POLK: variants seen among roughly 807,000 people sequenced by gnomAD.
POLK encodes DNA polymerase kappa.
POLK carries 76 observed loss-of-function variants against 94.0 expected under a neutral mutation model. That is an observed-to-expected ratio of 0.81 (90% CI 0.67 to 0.98). The LOEUF (loss-of-function observed/expected upper bound fraction) is 0.98. Among genes scored for constraint, POLK ranks in the 50% least tolerant of loss-of-function variants. The pLI is 0.00. For synonymous variants in POLK, 349 were observed against 325.4 expected (o/e 1.07, Z -0.78); for missense variants, 954 against 1,010.1 (o/e 0.94, Z 0.75).
At chr5:75,519,976 T>C (rs574403286) in intron 1 of POLK, among the ~76,000 whole-genome samples, 2 of 152,316 alleles carry the variant, frequency 1.3e-5, no homozygotes, top group African/African-American at 4.8e-5. Context: ...TCTTTTGTGG[T>C]TAAGTGATTT....
chr5:75,584,443 C>T (rs188794707), intron 8 of POLK, among the ~76,000 whole-genome samples: 8 of 152,120 alleles, frequency 5.3e-5, no homozygotes, highest in Non-Finnish European at 7.4e-5. Flanking sequence ...CCAGGGTGGG[C>T]GGATCACCTA....
intron 1 of POLK, among the ~76,000 whole-genome samples, chr5:75,526,587 T>TG (rs1768860533): frequency 6.8e-6 from 1 of 147,072 alleles, no homozygotes; most frequent in East Asian, 2.0e-4. Context: ...TTTTTTTTTT[T>TG]CTTTTTTTTT....
chr5:75,598,211 A>G (rs905265452), exon 15 of POLK: 1 of 324,642 alleles, frequency 3.1e-6, no homozygotes, highest in Non-Finnish European at 5.6e-6. Flanking sequence ...TGAGAATTTT[A>G]CTTCCATTAT....
upstream of POLK, chr5:75,511,378 C>T (rs1176554102): frequency 6.5e-7 from 1 of 1,546,568 alleles, no homozygotes; most frequent in Non-Finnish European, 8.7e-7. Context: ...CGCCGCCGCG[C>T]CTGACACCGA....
chr5:75,518,524 TTTTA>T (rs200532381), intron 1 of POLK, among the ~76,000 whole-genome samples: 1,843 of 152,272 alleles, frequency 0.012, 37 homozygotes, highest in African/African-American at 0.042. Flanking sequence ...ATTTTCTTTC[TTTTA>T]TTTGTCTAAA....
intron 3 of POLK, among the ~76,000 whole-genome samples, chr5:75,568,028 C>G (rs536881200): frequency 6.6e-6 from 1 of 152,180 alleles, no homozygotes; most frequent in Non-Finnish European, 1.5e-5. Context: ...AAAAAAAATT[C>G]TGCAGAGTGG....
At chr5:75,548,036 A>C (rs1401506621) in intron 2 of POLK, among the ~76,000 whole-genome samples, 1 of 151,984 alleles carries the variant, frequency 6.6e-6, no homozygotes, top group Non-Finnish European at 1.5e-5. Flanking sequence ...TGTTCCTCCC[A>C]CCTCAGACTT....
At chr5:75,581,689 T>C in intron 7 of POLK, 1 of 397,704 alleles carries the variant, frequency 2.5e-6, no homozygotes, top group Non-Finnish European at 4.5e-6. Context: ...TTTTTTTTTT[T>C]TTTTGAGATG....
exon 15 of POLK, chr5:75,598,141 C>T (rs1174435913): frequency 2.1e-6 from 1 of 474,838 alleles, no homozygotes; most frequent in Non-Finnish European, 3.7e-6. Flanking sequence ...AATCCTTCCT[C>T]AGATGATGTT....
rs555220325 is a variant in POLK at position 75,527,502 on chromosome 5, T to TATATACACAC, written c.-14+15589_-14+15590insTATACACACA. ...CTCAAAAAAAAAAAAAATTTATATATACACACACACACACACACACACACA... is the reference window on the plus strand; with the variant it reads ...CTCAAAAAAAAAAAAAATTTATATATATATACACACACACACACACACACACACACACACA... On this transcript the variant is annotated intron_variant, in intron 1 of 14. Coordinates refer to ENST00000241436, the Ensembl canonical transcript of POLK. Among the ~76,000 whole-genome samples the TATATACACAC allele has an allele frequency of 5.7e-3, 757 of 133,014 alleles. 5 individuals are homozygous for TATATACACAC. The highest frequency in any genetic ancestry group is 0.029 in the South Asian group (113 of 3,886). The allele number at this position is 133,014 out of a possible 152,430, so 87.3% of individuals were successfully genotyped here. A position where few individuals can be genotyped will look rare whatever the true frequency, so the allele number is the denominator to read the frequency against.
chr5:75,511,672 A>T, upstream of POLK: 5 of 1,481,740 alleles, frequency 3.4e-6, no homozygotes, highest in Non-Finnish European at 4.5e-6. Flanking sequence ...TCGTCCTCCC[A>T]TTCTCCCCCA....
chr5:75,558,192 A>G (rs1770740110), intron 3 of POLK, among the ~76,000 whole-genome samples: 1 of 150,504 alleles, frequency 6.6e-6, no homozygotes, highest in Non-Finnish European at 1.5e-5. Context: ...GATTATTATC[A>G]CTTACTAGTT....
At chr5:75,529,727 T>C (rs1011691372) in intron 1 of POLK, among the ~76,000 whole-genome samples, 2 of 152,162 alleles carry the variant, frequency 1.3e-5, no homozygotes, top group African/African-American at 4.8e-5. Flanking sequence ...ATTATAATCT[T>C]GTAATATATA....
intron 3 of POLK, among the ~76,000 whole-genome samples, chr5:75,557,031 C>CA (rs1168731999): frequency 1.3e-5 from 2 of 152,180 alleles, no homozygotes; most frequent in Admixed American, 6.5e-5. Flanking sequence ...CCACTGCACT[C>CA]CAGCCTGGGC....
chr5:75,521,971 T>C (rs1768609840), intron 1 of POLK, among the ~76,000 whole-genome samples: 1 of 152,220 alleles, frequency 6.6e-6, no homozygotes, highest in African/African-American at 2.4e-5. Flanking sequence ...TCCTACCTAG[T>C]GGTCCTGCCG....
At position 75,543,944 on chromosome 5, in the gene POLK, C is replaced by T. The variant is rs137866635; in HGVS notation, c.-13-3066C>T. Reference sequence around the variant, plus strand: ...GACCTCCCAGGCTCAAGTGAAACTCCCAACTCAGACTTCCAAGTAGCTTGG... The same window carrying T: ...GACCTCCCAGGCTCAAGTGAAACTCTCAACTCAGACTTCCAAGTAGCTTGG... On this transcript the variant is annotated intron_variant, in intron 1 of 14. Coordinates refer to ENST00000241436, the Ensembl canonical transcript of POLK. Among the ~76,000 whole-genome samples the T allele has an allele frequency of 2.1e-3, 316 of 152,236 alleles. 1 individual carries two copies. In the East Asian group the frequency reaches 0.027, roughly 13 times the overall value.
intron 3 of POLK, among the ~76,000 whole-genome samples, chr5:75,557,116 CT>C (rs1770668750): frequency 1.3e-5 from 2 of 152,280 alleles, no homozygotes; most frequent in South Asian, 4.1e-4. Context: ...GTCATTGCTC[CT>C]TTGTCAAAGA....
rs58797043 is a variant in POLK, at chr5:75,527,502, T to TACACACACACACAC, written c.-14+15614_-14+15627dup. Among the ~76,000 whole-genome samples the TACACACACACACAC allele has an allele frequency of 5.3e-4, 71 of 133,024 alleles. 2 individuals carry two copies. The highest frequency in any genetic ancestry group is 1.9e-3 in the African/African-American group (65 of 34,868). 87.3% of individuals were successfully genotyped at this position (133,024 alleles called of 152,430 possible). ...CTCAAAAAAAAAAAAAATTTATATA[T>TACACACACACACAC]ACACACACACACACACACACACACA... On this transcript the variant is annotated intron_variant, in intron 1 of 14. Coordinates refer to ENST00000241436, the Ensembl canonical transcript of POLK.
At chr5:75,570,354 T>C (rs894173669) in intron 4 of POLK, among the ~76,000 whole-genome samples, 3 of 152,142 alleles carry the variant, frequency 2.0e-5, no homozygotes, top group Non-Finnish European at 2.9e-5. Flanking sequence ...TCTAAAGTAT[T>C]AATAGAGATT....
Sources: gnomAD v4.1 joint callset for allele counts (sites outside exome capture counted in the v4.1 genomes callset) on GRCh38, gnomAD v4.1.1 for gene constraint, MANE v1.5 for transcripts, NCBI Gene and HGNC (gene_info 2026-07-23, HGNC 2026-07-21) for gene names.